The following CSMD3 variants were observed in gnomAD, a reference collection of about 807,000 sequenced individuals.
CSMD3 encodes the protein CUB and Sushi multiple domains 3, also known as CUB and sushi domain-containing protein 3.
Under a neutral mutation model 435.2 loss-of-function variants are expected in CSMD3, and 177 were observed. The ratio of observed to expected loss-of-function variants is 0.41; its 90% CI spans 0.36 to 0.46. The LOEUF (loss-of-function observed/expected upper bound fraction) is 0.46, where lower values mean the gene tolerates loss of function less well. Among genes scored for constraint, CSMD3 ranks in the 20% least tolerant of loss-of-function variants. The pLI is 0.34. For synonymous variants in CSMD3, 1,656 were observed against 1,520.5 expected (o/e 1.09, Z -2.07); for missense variants, 4,265 against 4,504.6 (o/e 0.95, Z 1.52).
At chr8:113,091,283 T>C (rs1337636866) in intron 5 of CSMD3, among the ~76,000 whole-genome samples, 1 of 152,140 alleles carries the variant, frequency 6.6e-6, no homozygotes, top group Admixed American at 6.5e-5. Flanking sequence ...ACTGGTCTGA[T>C]AGAATGAATT....
rs373612337 is a variant in CSMD3 at position 112,975,855 on chromosome 8, C to T, written c.1324G>A (p.Ala442Thr). The change falls in exon 7 of 71, where the codon GCA becomes ACA. Residue 442 changes from alanine to threonine, a missense_variant. By Grantham distance (58) the Ala-to-Thr change is moderately conservative (BLOSUM62 0). Coordinates refer to ENST00000297405, the MANE Select transcript of CSMD3 (RefSeq NM_198123.2). ...CCAATACCTCTATGAGTAACAACTG[C>T]AAGCTCTTTAGTTCTTTCTATCTGT... ...AEQIERTKELAVVTHRVKKAI... is the reference protein window; with the variant it reads ...AEQIERTKELTVVTHRVKKAI... 1 of 1,613,408 alleles carries T rather than the reference C, an allele frequency of 6.2e-7. No individual in the cohort carries two copies. Among genetic ancestry groups the T allele is most frequent in the Non-Finnish European group, 8.5e-7 (1 of 1,179,844 alleles).
chr8:112,267,419 G>C (rs987046454), intron 59 of CSMD3, among the ~76,000 whole-genome samples: 2 of 151,658 alleles, frequency 1.3e-5, no homozygotes, highest in African/African-American at 4.8e-5. Flanking sequence ...CAACTGAGTT[G>C]GATAGAAAAT....
chr8:113,151,137 C>G (rs569276316), intron 4 of CSMD3, among the ~76,000 whole-genome samples: 2 of 151,918 alleles, frequency 1.3e-5, no homozygotes, highest in African/African-American at 2.4e-5. Context: ...GTGAAAAATT[C>G]CATATGTTAA....
Position 112,288,754 on chromosome 8 carries a change from ATACT to A in CSMD3, c.9148+607_9148+610del, listed in dbSNP as rs545783634. Among the ~76,000 whole-genome samples, 639 of 152,202 alleles carry A rather than the reference ATACT, an allele frequency of 4.2e-3. 6 individuals carry two copies. Among genetic ancestry groups the A allele is most frequent in the African/African-American group, 0.014 (591 of 41,552 alleles). ...GTTTATCTCAGAAAAGATTTACCAA[ATACT>A]TACTCTGTGAACAAATTATTAATTA... On this transcript the variant is annotated intron_variant, in intron 57 of 70. Coordinates refer to ENST00000297405, the MANE Select transcript of CSMD3 (RefSeq NM_198123.2).
chr8:112,484,900 G>A lies in CSMD3; in HGVS notation c.5278+7589C>T, dbSNP rs552912955. Among the ~76,000 whole-genome samples, 114 of 152,074 alleles carry A rather than the reference G, an allele frequency of 7.5e-4. 1 individual carries two copies. The highest frequency in any genetic ancestry group is 2.5e-3 in the African/African-American group (104 of 41,496). ...CAATATCCGAAAAAAATCTGAAATCGGAAAAACTCCAGTCCAAGCATTGTG... is the reference window on the plus strand; with the variant it reads ...CAATATCCGAAAAAAATCTGAAATCAGAAAAACTCCAGTCCAAGCATTGTG... On this transcript the variant is annotated intron_variant, in intron 31 of 70. Transcript: ENST00000297405.
chr8:112,635,938 C>A (rs2074644195), intron 22 of CSMD3, among the ~76,000 whole-genome samples: 1 of 152,012 alleles, frequency 6.6e-6, no homozygotes, highest in Non-Finnish European at 1.5e-5. Flanking sequence ...AGATTTGTGA[C>A]CCACAATTAG....
chr8:112,319,084 T>G, intron 46 of CSMD3, 134 bp from the exon 47 acceptor site: 1 of 679,040 alleles, frequency 1.5e-6, no homozygotes, highest in Non-Finnish European at 2.6e-6. Flanking sequence ...TAGGTATAAG[T>G]AGGAGTTATA....
intron 28 of CSMD3, 104 bp downstream of exon 28, chr8:112,516,930 C>T (rs2130985650): frequency 1.2e-6 from 1 of 840,272 alleles, no homozygotes; most frequent in East Asian, 2.6e-5. Flanking sequence ...AAATCTTAGA[C>T]TCTCATATAG....
At chr8:112,249,927 G>T (rs1334094940) in intron 63 of CSMD3, among the ~76,000 whole-genome samples, 1 of 151,894 alleles carries the variant, frequency 6.6e-6, no homozygotes, top group Non-Finnish European at 1.5e-5. Flanking sequence ...GAGACTGTGT[G>T]TACTCATCCT....
At chr8:112,540,962 T>A (rs1168249265) in intron 27 of CSMD3, among the ~76,000 whole-genome samples, 9 of 152,076 alleles carry the variant, frequency 5.9e-5, no homozygotes, top group Non-Finnish European at 1.3e-4. Context: ...TTTGATATAA[T>A]GAATATTCCA....
At chr8:113,194,468 T>C (rs2131997699) in intron 3 of CSMD3, among the ~76,000 whole-genome samples, 1 of 151,404 alleles carries the variant, frequency 6.6e-6, no homozygotes, top group Admixed American at 6.6e-5. Flanking sequence ...GAAACTATGA[T>C]GGTAGATATA....
chr8:112,293,608 A>T (rs897930907), intron 54 of CSMD3, among the ~76,000 whole-genome samples: 1 of 152,120 alleles, frequency 6.6e-6, no homozygotes, highest in Non-Finnish European at 1.5e-5. Flanking sequence ...CTGATATTTG[A>T]TAATATAATT....
At chr8:112,516,481 G>A (rs1439115556) in intron 28 of CSMD3, among the ~76,000 whole-genome samples, 1 of 152,060 alleles carries the variant, frequency 6.6e-6, no homozygotes, top group Admixed American at 6.6e-5. Context: ...TAATTTTCTA[G>A]AGTCTAACTT....
intron 59 of CSMD3, among the ~76,000 whole-genome samples, chr8:112,277,445 A>G (rs547654648): frequency 7.6e-4 from 116 of 152,262 alleles, no homozygotes; most frequent in African/African-American, 2.7e-3. Flanking sequence ...TGTCCATATC[A>G]TTATCAGCAT....
Position 112,583,595 on chromosome 8 carries a change from C to T in CSMD3, c.3885+3471G>A, listed in dbSNP as rs1441196741. 3.3e-5 allele frequency among the ~76,000 whole-genome samples: 5 copies of T among 151,966 alleles called. No individual in the cohort carries two copies. The South Asian group carries it at 6.2e-4, about 19-fold the overall frequency. ...ATTTTCCAAAAATAAGTAAGTAGCA[C>T]ACAAGAAAATTGTCACTTAACCCAC... On this transcript the variant is annotated intron_variant, in intron 23 of 70. Transcript: ENST00000297405.
chr8:112,854,861 T>A lies in CSMD3; in HGVS notation c.1755+4284A>T, dbSNP rs573199396. On this transcript the variant is annotated intron_variant, in intron 11 of 70. Transcript: ENST00000297405. ...AATGAGGCATTTATTCTCTTCAATA[T>A]CCACCACCATCACCTTTCATTCTCC... is the stretch of plus-strand genomic sequence containing the variant. Among the ~76,000 whole-genome samples the A allele has an allele frequency of 2.1e-4, 32 of 152,236 alleles. No individual in the cohort carries two copies. The East Asian group carries it at 6.2e-3, about 29-fold the overall frequency.
At chr8:113,162,738 G>A (rs556769405) in intron 4 of CSMD3, among the ~76,000 whole-genome samples, 53 of 151,762 alleles carry the variant, frequency 3.5e-4, no homozygotes, top group Middle Eastern at 3.2e-3. Flanking sequence ...TTATAGCCTG[G>A]GTGCAAAGAC....
intron 9 of CSMD3, among the ~76,000 whole-genome samples, chr8:112,935,158 CT>C (rs2083241978): frequency 2.0e-5 from 3 of 151,984 alleles, no homozygotes; most frequent in Admixed American, 6.6e-5. Flanking sequence ...AGAAAGTGTC[CT>C]TTTCTTACGG....
chr8:112,679,734 C>A (rs2075846035), intron 16 of CSMD3, among the ~76,000 whole-genome samples: 1 of 152,050 alleles, frequency 6.6e-6, no homozygotes, highest in African/African-American at 2.4e-5. Flanking sequence ...AAAACCAATG[C>A]CCAAGTTAGG....
Sources: gnomAD v4.1 joint callset for allele counts (sites outside exome capture counted in the v4.1 genomes callset) on GRCh38, gnomAD v4.1.1 for gene constraint, MANE v1.5 for transcripts, NCBI Gene and HGNC (gene_info 2026-07-23, HGNC 2026-07-21) for gene names.